Variants in ANKRD11 observed in about 807,000 individuals in gnomAD.
ANKRD11 encodes the protein ankyrin repeat domain 11, also known as ankyrin repeat domain-containing protein 11.
ANKRD11 carries 17 observed loss-of-function variants against 195.7 expected under a neutral mutation model. That is an observed-to-expected ratio of 0.09 (90% CI 0.06 to 0.13). The LOEUF (loss-of-function observed/expected upper bound fraction) is 0.13. Among genes scored for constraint, ANKRD11 ranks in the 10% least tolerant of loss-of-function variants. The pLI, the probability that ANKRD11 is intolerant of heterozygous loss-of-function variation, is 1.00. For missense variants in ANKRD11, 3,735 were observed against 3,566.1 expected, an observed-to-expected ratio of 1.05 and a Z score of -1.21; for synonymous variants, 1,953 against 1,528.1, an observed-to-expected ratio of 1.28 and a Z score of -6.49.
intron 2 of ANKRD11, among the ~76,000 whole-genome samples, chr16:89,342,237 C>T (rs1597716972): frequency 6.6e-6 from 1 of 152,378 alleles, no homozygotes; most frequent in East Asian, 1.9e-4. Context: ...GGTCAACTGC[C>T]TGGGCAAAGG....
rs775390865 is a variant in ANKRD11, at chr16:89,281,025, G to A, written c.5517C>T (p.Pro1839=). Residue 1839 remains proline (P), a synonymous_variant, in exon 9 of 13, where the codon CCC becomes CCT. Transcript: ENST00000301030. This position sits in a 1 kb window ranked among gnomAD's most constrained non-coding sequence, Gnocchi z 5.5. ...MEDRAPLPPV[P]AEKFACLSPG... ...GCGACAAGCAGGCAAACTTCTCCGC[G>A]GGAACCGGGGGCAGGGGCGCCCTGT... The A allele has an allele frequency of 1.4e-5, 22 of 1,594,616 alleles. No homozygotes were observed. The East Asian group carries it at 2.9e-4, about 21-fold the overall frequency.
chr16:89,388,512 G>A (rs924171104), intron 2 of ANKRD11, among the ~76,000 whole-genome samples: 3 of 151,852 alleles, frequency 2.0e-5, no homozygotes, highest in Admixed American at 6.6e-5. Context: ...TGGTGCTGTC[G>A]AACGCACACA....
At chr16:89,413,968 G>T in intron 2 of ANKRD11, among the ~76,000 whole-genome samples, 1 of 152,054 alleles carries the variant, frequency 6.6e-6, no homozygotes, top group South Asian at 2.1e-4. Flanking sequence ...CACAGCAACA[G>T]CAAGCGGAGG....
Position 89,301,854 on chromosome 16 carries a change from C to T in ANKRD11, c.226+3352G>A, listed in dbSNP as rs146354709. Reference sequence around the variant, plus strand: ...CATGGCACTGGACCGCGGGCAGGGCCGACTCAACCCTGCATCTGGGAGGCG... The same window carrying T: ...CATGGCACTGGACCGCGGGCAGGGCTGACTCAACCCTGCATCTGGGAGGCG... On this transcript the variant is annotated intron_variant, in intron 4 of 12. Transcript: ENST00000301030. Among the ~76,000 whole-genome samples the T allele has an allele frequency of 7.2e-3, 1,100 of 152,274 alleles. 10 individuals carry two copies. The highest frequency in any genetic ancestry group is 0.025 in the African/African-American group (1,030 of 41,544).
chr16:89,435,382 C>T (rs2043171107), intron 1 of ANKRD11, among the ~76,000 whole-genome samples: 1 of 152,034 alleles, frequency 6.6e-6, no homozygotes, highest in Non-Finnish European at 1.5e-5. Flanking sequence ...CCACTGGGGT[C>T]CCCTTCCATG....
intron 1 of ANKRD11, among the ~76,000 whole-genome samples, chr16:89,428,200 T>A (rs1208411561): frequency 1.3e-5 from 2 of 150,586 alleles, no homozygotes; most frequent in East Asian, 3.9e-4. Flanking sequence ...AGAGCAAGAC[T>A]CCATCTCAAA....
chr16:89,268,758 T>C, intron 12 of ANKRD11, 95 bp from the exon 13 acceptor site: 1 of 1,439,800 alleles, frequency 6.9e-7, no homozygotes, highest in Non-Finnish European at 9.5e-7. Flanking sequence ...AAGGGCGTGA[T>C]ACGGCCGTGA....
chr16:89,324,454 G>A, intron 2 of ANKRD11: 1 of 459,340 alleles, frequency 2.2e-6, no homozygotes, highest in South Asian at 1.5e-5. Context: ...GGTTACTACT[G>A]AGTTTCAACT....
intron 2 of ANKRD11, among the ~76,000 whole-genome samples, chr16:89,341,148 G>C (rs991721144): frequency 6.6e-6 from 1 of 152,160 alleles, no homozygotes; most frequent in Admixed American, 6.5e-5. Flanking sequence ...TTTCCACTGC[G>C]AAAAGCCTGA....
At chr16:89,459,964 G>A (rs974733996) in intron 1 of ANKRD11, among the ~76,000 whole-genome samples, 15 of 151,602 alleles carry the variant, frequency 9.9e-5, no homozygotes, top group South Asian at 2.1e-4. Flanking sequence ...GGCCAGGTGC[G>A]GTGGCTCACA....
In ANKRD11 at chr16:89,483,446, C is replaced by T. The variant is rs552145123; in HGVS notation, c.-145+6799G>A. Among the ~76,000 whole-genome samples the T allele has an allele frequency of 5.3e-5, 8 of 152,294 alleles. No individual in the cohort carries two copies. In the South Asian group the frequency reaches 1.0e-3, roughly 20 times the overall value. On this transcript the variant is annotated intron_variant, in intron 1 of 12. Coordinates refer to ENST00000301030, the MANE Select transcript of ANKRD11 (RefSeq NM_013275.6). ...ATTTTACCTGAACTGTAAGTGCAAG[C>T]GTGCATCACTTTTCTGAGTTTCACA...
Position 89,446,894 on chromosome 16 carries a change from G to A in ANKRD11, c.-144-28526C>T, listed in dbSNP as rs143934568. 2.5e-4 allele frequency among the ~76,000 whole-genome samples: 38 copies of A among 152,108 alleles called. No homozygotes were observed. The South Asian group carries it at 6.9e-3, about 27-fold the overall frequency. On this transcript the variant is annotated intron_variant, in intron 1 of 12. Coordinates refer to ENST00000301030, the MANE Select transcript of ANKRD11 (RefSeq NM_013275.6). ...CAGCTGCTTCTCCGCTTGTCACCCT[G>A]CCACACACCCTCTGTCCCTGCAGTT...
intron 2 of ANKRD11, among the ~76,000 whole-genome samples, chr16:89,339,320 A>T (rs1257911666): frequency 6.6e-6 from 1 of 152,228 alleles, no homozygotes; most frequent in Non-Finnish European, 1.5e-5. Context: ...CCAAAGGAGT[A>T]AGAGAGGCCC....
At chr16:89,333,951 T>G (rs114289935) in intron 2 of ANKRD11, among the ~76,000 whole-genome samples, 105 of 152,072 alleles carry the variant, frequency 6.9e-4, no homozygotes, top group African/African-American at 2.4e-3. Context: ...ACAATTCAAA[T>G]GCTGGCCTAA....
chr16:89,342,420 A>G (rs1006121959), intron 2 of ANKRD11, among the ~76,000 whole-genome samples: 4 of 152,232 alleles, frequency 2.6e-5, no homozygotes, highest in African/African-American at 9.6e-5. Context: ...TCCAGGATAA[A>G]CCAGCAATAC....
chr16:89,357,844 G>A (rs2039556946), intron 2 of ANKRD11, among the ~76,000 whole-genome samples: 1 of 152,238 alleles, frequency 6.6e-6, no homozygotes, highest in Admixed American at 6.5e-5. Flanking sequence ...TGAAGGTACT[G>A]GAAGCCAGGG....
intron 1 of ANKRD11, among the ~76,000 whole-genome samples, chr16:89,486,862 A>G (rs1258902082): frequency 6.6e-6 from 1 of 152,060 alleles, no homozygotes; most frequent in Non-Finnish European, 1.5e-5. Flanking sequence ...AAAAAAAATT[A>G]GCCGTGTTTG....
chr16:89,382,974 G>A (rs1333866453), intron 2 of ANKRD11, among the ~76,000 whole-genome samples: 1 of 152,206 alleles, frequency 6.6e-6, no homozygotes. Flanking sequence ...CCGAGGAGCT[G>A]GGATTACAGG....
At chr16:89,442,788 C>A (rs972793550) in intron 1 of ANKRD11, among the ~76,000 whole-genome samples, 1 of 152,114 alleles carries the variant, frequency 6.6e-6, no homozygotes, top group Non-Finnish European at 1.5e-5. Flanking sequence ...AGGTGTGTGC[C>A]CTATTCTCAC....
Sources: allele counts gnomAD v4.1 joint callset (sites outside exome capture counted in the v4.1 genomes callset), GRCh38; gene constraint gnomAD v4.1.1; non-coding constraint Gnocchi (gnomAD v3.1); transcripts MANE v1.5; gene names NCBI Gene and HGNC (gene_info 2026-07-23, HGNC 2026-07-21).